UNC5A: variants seen among roughly 807,000 people sequenced by gnomAD.
UNC5A encodes netrin receptor UNC5A.
A neutral mutation model predicts 87.4 loss-of-function variants in UNC5A; 20 were observed. That is an observed-to-expected ratio of 0.23 (90% CI 0.16 to 0.33). UNC5A has a LOEUF of 0.33. Ranked by LOEUF, UNC5A falls within the 10% of genes least tolerant of loss-of-function variation. The probability of loss-of-function intolerance (pLI) is 1.00; values close to 1 mark genes in which losing one functional copy is unlikely to be tolerated. For synonymous variants in UNC5A, 438 were observed against 482.3 expected (o/e 0.91, Z 1.20); for missense variants, 844 against 1,133.4 (o/e 0.74, Z 3.67).
At chr5:176,858,181 G>T (rs1433272128) in intron 1 of UNC5A, among the ~76,000 whole-genome samples, 1 of 152,204 alleles carries the variant, frequency 6.6e-6, no homozygotes, top group Admixed American at 6.5e-5. Context: ...TGGGGACAAA[G>T]CCTCCTGCCT....
At chr5:176,813,114 C>T (rs1756509380) in intron 1 of UNC5A, among the ~76,000 whole-genome samples, 1 of 152,236 alleles carries the variant, frequency 6.6e-6, no homozygotes, top group Non-Finnish European at 1.5e-5. Context: ...CATGCTCGCA[C>T]CTGCAGGCCC....
chr5:176,868,905 G>C lies in UNC5A; in HGVS notation c.662G>C (p.Cys221Ser). The stretch of plus-strand genomic sequence containing the variant: ...CTTGCTGACACGGCCAACTACACCT[G>C]CGTGGCCAAGAACATCGTGGCACGT... Reference protein sequence around the residue: ...ARLADTANYTCVAKNIVARRR... With the variant: ...ARLADTANYTSVAKNIVARRR... The change falls in exon 5 of 15, where the codon TGC becomes TCC. Residue 221 changes from cysteine (C) to serine (S), a missense_variant. Cys to Ser is a moderately radical substitution (Grantham distance 112, BLOSUM62 -1). Coordinates refer to ENST00000329542, the MANE Select transcript of UNC5A (RefSeq NM_133369.3). The C allele has an allele frequency of 1.2e-6, 2 of 1,612,716 alleles. No homozygotes were observed. Among genetic ancestry groups the C allele is most frequent in the Non-Finnish European group, 1.7e-6 (2 of 1,179,798 alleles).
At chr5:176,855,675 AG>A (rs1223091984) in intron 1 of UNC5A, among the ~76,000 whole-genome samples, 3 of 152,236 alleles carry the variant, frequency 2.0e-5, no homozygotes, top group Non-Finnish European at 4.4e-5. Context: ...CAGAGGCACA[AG>A]TGGCACGTCA....
chr5:176,874,509 A>C lies in UNC5A; in HGVS notation c.1321A>C (p.Asn441His). ...CCGCTCCCTGCCCCGAGGCACCAGCAACATGACCTATGGGACCTTCAACTT... is the reference window on the plus strand; with the variant it reads ...CCGCTCCCTGCCCCGAGGCACCAGCCACATGACCTATGGGACCTTCAACTT... ...YFRSLPRGTSNMTYGTFNFLG... is the reference protein window; with the variant it reads ...YFRSLPRGTSHMTYGTFNFLG... Residue 441 changes from asparagine to histidine, a missense_variant, in exon 8 of 15, where the codon AAC (asparagine) becomes CAC (histidine). Around this residue, in one of 3 missense-constraint regions of UNC5A, gnomAD observed 353 missense variants for 387.5 expected, o/e 0.91. Transcript: ENST00000329542. The surrounding 1 kb of genome is among the most constrained non-coding windows in gnomAD (Gnocchi z 7.6). 6.2e-7 allele frequency: 1 copy of C among 1,607,440 alleles called. No homozygotes were observed. Among genetic ancestry groups the C allele is most frequent in the East Asian group, 2.2e-5 (1 of 44,804 alleles).
At position 176,848,816 on chromosome 5, in the gene UNC5A, C is replaced by T. The variant is rs560237874; in HGVS notation, c.71-13808C>T. 4.6e-5 allele frequency among the ~76,000 whole-genome samples: 7 copies of T among 152,256 alleles called. No individual in the cohort carries two copies. The South Asian group carries it at 6.2e-4, about 14-fold the overall frequency. On this transcript the variant is annotated intron_variant, in intron 1 of 14. Coordinates refer to ENST00000329542, the MANE Select transcript of UNC5A (RefSeq NM_133369.3). The surrounding 1 kb of genome is among the most constrained non-coding windows in gnomAD (Gnocchi z 5.8). ...ATGGGCAGCCGCGGCCTGGGCCCTGCGCGTCTCGGGATTGCAGCTTCTCCC... is the reference window on the plus strand; with the variant it reads ...ATGGGCAGCCGCGGCCTGGGCCCTGTGCGTCTCGGGATTGCAGCTTCTCCC...
chr5:176,879,222 G>A lies in UNC5A; in HGVS notation c.2185-88G>A, dbSNP rs558200815. On this transcript the variant is annotated intron_variant, in intron 13 of 14. Transcript: ENST00000329542. ...CTCATGCCGCCCCCATGCTCTGGGG[G>A]AGTCTGGGAGCTCCCCCAGCAGGAG... is the stretch of plus-strand genomic sequence containing the variant. 6.9e-6 allele frequency: 10 copies of A among 1,455,644 alleles called. No homozygotes were observed. The East Asian group carries it at 9.4e-5, about 14-fold the overall frequency. The allele number at this position is 1,455,644 out of a possible 1,614,324, so 90.2% of individuals were successfully genotyped here. A position where few individuals can be genotyped will look rare whatever the true frequency, so the allele number is the denominator to read the frequency against.
chr5:176,861,881 C>G (rs1346328060), intron 1 of UNC5A, among the ~76,000 whole-genome samples: 2 of 152,174 alleles, frequency 1.3e-5, no homozygotes, highest in African/African-American at 4.8e-5. Context: ...GGGTGACCCC[C>G]ACCCCATCCT....
chr5:176,841,024 G>A lies in UNC5A; in HGVS notation c.71-21600G>A, dbSNP rs142340248. Among the ~76,000 whole-genome samples, 3 of 152,344 alleles carry A rather than the reference G, an allele frequency of 2.0e-5. No individual in the cohort carries two copies. Among genetic ancestry groups the A allele is most frequent in the Non-Finnish European group, 4.4e-5 (3 of 68,038 alleles). On this transcript the variant is annotated intron_variant, in intron 1 of 14. Coordinates refer to ENST00000329542, the MANE Select transcript of UNC5A (RefSeq NM_133369.3). The surrounding 1 kb of genome is among the most constrained non-coding windows in gnomAD (Gnocchi z 4.1). Reference sequence around the variant, plus strand: ...CATCCACCTCCTTCACCGGAGAAGGGGGATGAACCACTCCGCGCTGAATGG... The same window carrying A: ...CATCCACCTCCTTCACCGGAGAAGGAGGATGAACCACTCCGCGCTGAATGG...
chr5:176,853,202 G>T (rs760759144), intron 1 of UNC5A, among the ~76,000 whole-genome samples: 1 of 152,196 alleles, frequency 6.6e-6, no homozygotes, highest in Non-Finnish European at 1.5e-5. Context: ...TCCTGGCCCC[G>T]GCCATTTGGC....
chr5:176,847,015 GC>G (rs1757423409), intron 1 of UNC5A, among the ~76,000 whole-genome samples: 2 of 152,150 alleles, frequency 1.3e-5, no homozygotes, highest in South Asian at 2.1e-4. Flanking sequence ...CCCCCGTCAA[GC>G]CTAGGAGAGA....
At chr5:176,862,897 GC>G (rs758583318) in intron 2 of UNC5A, 52 bp downstream of exon 2, 116 of 1,600,156 alleles carry the variant, frequency 7.2e-5, no homozygotes, top group Non-Finnish European at 9.0e-5. Flanking sequence ...GCGAGTTTCG[GC>G]CCCCCCAGAG....
chr5:176,877,738 A>G (rs1758297739), intron 10 of UNC5A, 35 bp downstream of exon 10: 1 of 1,560,312 alleles, frequency 6.4e-7, no homozygotes, highest in African/African-American at 1.4e-5. Context: ...CCAGAAGGGA[A>G]CGTGGGCTAA....
rs191424408 is a variant in UNC5A, at chr5:176,848,980, C to A, written c.71-13644C>A. 2.4e-3 allele frequency among the ~76,000 whole-genome samples: 373 copies of A among 152,326 alleles called. No individual in the cohort carries two copies. Among genetic ancestry groups the A allele is most frequent in the African/African-American group, 8.2e-3 (340 of 41,568 alleles). ...CTCCGCCTCTGTCCAGGCCCAGGGG[C>A]CTTCTTTTGGGGGCTCTGATGAGGA... On this transcript the variant is annotated intron_variant, in intron 1 of 14. Transcript: ENST00000329542. This position sits in a 1 kb window ranked among gnomAD's most constrained non-coding sequence, Gnocchi z 5.8.
rs189408601 is a variant in UNC5A at position 176,869,737 on chromosome 5, A to C, written c.722-633A>C. 1 of 647,006 alleles carries C rather than the reference A, an allele frequency of 1.5e-6. No homozygotes were observed. Among genetic ancestry groups the C allele is most frequent in the African/African-American group, 1.8e-5 (1 of 55,422 alleles). The allele number at this position is 647,006 out of a possible 1,614,324, so 40.1% of individuals were successfully genotyped here. ...CCTCTCAACGGGGGCGCTTTCTGTGAGGGGCAGAATGTCCAGAAAACAGCC... is the reference window on the plus strand; with the variant it reads ...CCTCTCAACGGGGGCGCTTTCTGTGCGGGGCAGAATGTCCAGAAAACAGCC... On this transcript the variant is annotated intron_variant, in intron 5 of 14. Transcript: ENST00000329542. The surrounding 1 kb of genome is among the most constrained non-coding windows in gnomAD (Gnocchi z 9.1).
chr5:176,869,630 G>A lies in UNC5A; in HGVS notation c.721+666G>A, dbSNP rs559693536. On this transcript the variant is annotated intron_variant, in intron 5 of 14. Coordinates refer to ENST00000329542, the MANE Select transcript of UNC5A (RefSeq NM_133369.3). This position sits in a 1 kb window ranked among gnomAD's most constrained non-coding sequence, Gnocchi z 9.1. ...TCCGGCCAGTGAACGGTGGGTGGTC[G>A]ACGTGGACCGAGTGGTCCGTCTGCA... 44 of 699,962 alleles carry A rather than the reference G, an allele frequency of 6.3e-5. No individual in the cohort carries two copies. Among genetic ancestry groups the A allele is most frequent in the Admixed American group, 3.0e-4 (15 of 49,856 alleles). 43.4% of individuals were successfully genotyped at this position (699,962 alleles called of 1,614,324 possible). A position where few individuals can be genotyped will look rare whatever the true frequency, so the allele number is the denominator to read the frequency against.
At chr5:176,811,220 A>G (rs563556891) in intron 1 of UNC5A, among the ~76,000 whole-genome samples, 1 of 152,066 alleles carries the variant, frequency 6.6e-6, no homozygotes, top group Admixed American at 6.5e-5. Flanking sequence ...GGGTGCGGGG[A>G]ACGTTTAAGA....
intron 1 of UNC5A, among the ~76,000 whole-genome samples, chr5:176,850,951 C>G (rs948732282): frequency 6.7e-6 from 1 of 149,718 alleles, no homozygotes; most frequent in Non-Finnish European, 1.5e-5. Flanking sequence ...CCAGGACTTT[C>G]CAGTGCTCCC....
In UNC5A at chr5:176,869,809, G is replaced by A. The variant is rs1758066023; in HGVS notation, c.722-561G>A. 5.1e-6 allele frequency: 3 copies of A among 585,592 alleles called. No homozygotes were observed. Among genetic ancestry groups the A allele is most frequent in the South Asian group, 3.8e-5 (2 of 51,970 alleles). 36.3% of individuals were successfully genotyped at this position (585,592 alleles called of 1,614,324 possible). ...ACCAGCGGCCACCGCCTCCCGCATC[G>A]TTCCTCACCACGCCATCTCCGTGCC... On this transcript the variant is annotated intron_variant, in intron 5 of 14. Transcript: ENST00000329542. The surrounding 1 kb of genome is among the most constrained non-coding windows in gnomAD (Gnocchi z 9.1).
intron 1 of UNC5A, among the ~76,000 whole-genome samples, chr5:176,818,803 C>A (rs1398331963): frequency 1.3e-5 from 2 of 152,168 alleles, no homozygotes; most frequent in African/African-American, 4.8e-5. Context: ...AGCCTGAAGC[C>A]CATTCCCCAT....
Sources: gnomAD v4.1 joint callset for allele counts (sites outside exome capture counted in the v4.1 genomes callset) on GRCh38, gnomAD v4.1.1 for gene constraint, gnomAD v4.1.1 regional missense constraint, Gnocchi (gnomAD v3.1) non-coding constraint, MANE v1.5 for transcripts, NCBI Gene and HGNC (gene_info 2026-07-23, HGNC 2026-07-21) for gene names.